FXYD1: variants seen among roughly 807,000 people sequenced by gnomAD.
FXYD1 encodes the protein FXYD domain containing ion transport regulator 1, also known as phospholemman.
FXYD1 carries 9 observed loss-of-function variants against 17.2 expected under a neutral mutation model. The observed-to-expected ratio is 0.52, with a 90% confidence interval of 0.32 to 0.91. The LOEUF (loss-of-function observed/expected upper bound fraction) is 0.91. Ranked by LOEUF, FXYD1 falls within the 40% of genes least tolerant of loss-of-function variation. The probability of loss-of-function intolerance (pLI) is 0.04; values close to 1 mark genes in which losing one functional copy is unlikely to be tolerated. For synonymous variants in FXYD1, 55 were observed against 45.8 expected (o/e 1.20, Z -0.81); for missense variants, 113 against 120.6 (o/e 0.94, Z 0.29).
chr19:35,142,396 C>A, intron 5 of FXYD1, 76 bp from the exon 6 acceptor site: 1 of 1,122,596 alleles, frequency 8.9e-7, no homozygotes, highest in Non-Finnish European at 1.3e-6. Context: ...GGAAAGGAGG[C>A]TTGTACTGGG....
At chr19:35,137,333 G>A (rs532899983), upstream of FXYD1, among the ~76,000 whole-genome samples, 1 of 152,316 alleles carries the variant, frequency 6.6e-6, no homozygotes, top group African/African-American at 2.4e-5. Flanking sequence ...GGAAAGTGTG[G>A]GGTTAAATAC....
chr19:35,137,956 C>T (rs1294586877), upstream of FXYD1: 1 of 152,210 alleles, frequency 6.6e-6, no homozygotes, highest in Non-Finnish European at 1.5e-5. Context: ...TCTTAGAATG[C>T]ATTTATGTGC....
rs774343035 is a variant in FXYD1, at chr19:35,140,641, G to A, written c.94+12G>A. ...CCCGTTCACTTACGGTGAGCGGGGG[G>A]TCTAATTTTGAGTCCTGGGGGAGAG... On this transcript the variant is annotated intron_variant, in intron 3 of 7. Coordinates refer to ENST00000351325, the MANE Select transcript of FXYD1 (RefSeq NM_021902.4). 10 of 1,612,514 alleles carry A rather than the reference G, an allele frequency of 6.2e-6. No homozygotes were observed. The South Asian group carries it at 6.6e-5, about 11-fold the overall frequency.
chr19:35,140,926 T>C (rs1264348404), intron 3 of FXYD1: 12 of 430,274 alleles, frequency 2.8e-5, no homozygotes, highest in Non-Finnish European at 1.3e-5. Context: ...TCCTCCTCCC[T>C]GTCCCCTCCC....
chr19:35,139,800 G>A, intron 1 of FXYD1: 1 of 388,284 alleles, frequency 2.6e-6, no homozygotes, highest in East Asian at 4.9e-5. Flanking sequence ...TGCTGCGGGA[G>A]GTGGAGGCCC....
At chr19:35,141,365 T>G in intron 4 of FXYD1, 159 bp downstream of exon 4, 1 of 189,046 alleles carries the variant, frequency 5.3e-6, no homozygotes, top group Non-Finnish European at 1.0e-5. Flanking sequence ...CCCCAACCCC[T>G]CCCAGGCCTT....
chr19:35,142,226 C>A (rs1439913044), intron 5 of FXYD1: 1 of 450,700 alleles, frequency 2.2e-6, no homozygotes, highest in African/African-American at 2.0e-5. Context: ...ATCCCTCCCC[C>A]ACCAACTTCA....
upstream of FXYD1, chr19:35,138,725 G>T (rs752121827): frequency 2.1e-5 from 3 of 144,078 alleles, no homozygotes; most frequent in African/African-American, 7.5e-5. Flanking sequence ...TCCAGCCCCA[G>T]CTCCAGTTTC....
In FXYD1 at chr19:35,142,506, C is replaced by G. The variant is rs2065266105; in HGVS notation, c.241C>G (p.Arg81Gly). ...GEPDEEEGTF[R>G]SSIRRLSTRR... ...ACCCGATGAAGAGGAGGGAACTTTC[C>G]GCAGCTCCATCCGCCGTGAGTCTGG... Residue 81 changes from arginine to glycine, a missense_variant, in exon 6 of 8, where the codon CGC (arginine) becomes GGC (glycine). Coordinates refer to ENST00000351325, the MANE Select transcript of FXYD1 (RefSeq NM_021902.4). 1.2e-6 allele frequency: 2 copies of G among 1,613,336 alleles called. No homozygotes were observed. Among genetic ancestry groups the G allele is most frequent in the Non-Finnish European group, 1.7e-6 (2 of 1,179,482 alleles).
intron 1 of FXYD1, 146 bp from the exon 2 acceptor site, chr19:35,139,930 C>T (rs1257362425): frequency 2.2e-5 from 15 of 666,816 alleles, no homozygotes; most frequent in African/African-American, 9.0e-5. Context: ...TGGGGATACC[C>T]GTTTCTCTAG....
In FXYD1 at chr19:35,141,222, TC is replaced by T; in HGVS notation, c.169+19del. ...ATCGTGCTGAGTGAGTGCCCCTAGC[TC>T]CCGCCCTCTACCCCGCCTCTCCCTG... On this transcript the variant is annotated intron_variant, in intron 4 of 7. Transcript: ENST00000351325. The T allele has an allele frequency of 6.6e-7, 1 of 1,510,932 alleles. No individual in the cohort carries two copies. Among genetic ancestry groups the T allele is most frequent in the Non-Finnish European group, 9.1e-7 (1 of 1,095,534 alleles). 93.6% of individuals were successfully genotyped at this position (1,510,932 alleles called of 1,614,324 possible).
In FXYD1 at chr19:35,142,985, C is replaced by G; in HGVS notation, c.*98C>G. On this transcript the variant is annotated 3_prime_UTR_variant, in exon 8 of 8. Coordinates refer to ENST00000351325, the MANE Select transcript of FXYD1 (RefSeq NM_021902.4). ...CCACCGCCCCCTCCGCCGCCCCTTC[C>G]CCAGCCCTGCCCCCGCAGACTCCCC... 1 of 583,758 alleles carries G rather than the reference C, an allele frequency of 1.7e-6. No individual in the cohort carries two copies. The highest frequency in any genetic ancestry group is 2.0e-5 in the South Asian group (1 of 49,544). 36.2% of individuals were successfully genotyped at this position (583,758 alleles called of 1,614,324 possible). A position where few individuals can be genotyped will look rare whatever the true frequency, so the allele number is the denominator to read the frequency against.
intron 7 of FXYD1, 58 bp from the exon 8 acceptor site, chr19:35,142,859 G>T: frequency 1.0e-6 from 1 of 983,582 alleles, no homozygotes; most frequent in Non-Finnish European, 1.6e-6. Flanking sequence ...GAGTTGAAGG[G>T]CGGCGAGGGG....
intron 4 of FXYD1, 26 bp from the exon 5 acceptor site, chr19:35,141,510 C>T: frequency 6.2e-7 from 1 of 1,602,028 alleles, no homozygotes; most frequent in Non-Finnish European, 8.5e-7. Flanking sequence ...GGAGCCTCAG[C>T]TTCTCCTACC....
intron 2 of FXYD1, 38 bp from the exon 3 acceptor site, chr19:35,140,559 C>T: frequency 6.2e-7 from 1 of 1,605,700 alleles, no homozygotes; most frequent in Non-Finnish European, 8.5e-7. Flanking sequence ...GCCAGGACCC[C>T]AGGAAGCATT....
At chr19:35,141,337 CTCCCTGGCCCCG>C in intron 4 of FXYD1, 131 bp downstream of exon 4, 1 of 625,576 alleles carries the variant, frequency 1.6e-6, no homozygotes, top group Non-Finnish European at 2.8e-6. Flanking sequence ...GGTCCCGCCC[CTCCCTGGCCCCG>C]CCCCGCCCCA....
chr19:35,142,654 GC>G, intron 6 of FXYD1, 65 bp from the exon 7 acceptor site: 1 of 1,564,052 alleles, frequency 6.4e-7, no homozygotes, highest in African/African-American at 1.4e-5. Context: ...CCCGCCGCGG[GC>G]CCCACCTGCC....
At chr19:35,141,031 C>A in intron 3 of FXYD1, 101 bp from the exon 4 acceptor site, 2 of 746,466 alleles carry the variant, frequency 2.7e-6, no homozygotes, top group Non-Finnish European at 4.8e-6. Flanking sequence ...CCCCTTCTGC[C>A]TGCTGGTCCT....
In FXYD1 at chr19:35,141,214, C is replaced by G. The variant is rs1600485761; in HGVS notation, c.169+8C>G. The stretch of plus-strand genomic sequence containing the variant: ...GCATCCTCATCGTGCTGAGTGAGTG[C>G]CCCTAGCTCCCGCCCTCTACCCCGC... On this transcript the variant is annotated splice_region_variant and intron_variant, in intron 4 of 7. Coordinates refer to ENST00000351325, the MANE Select transcript of FXYD1 (RefSeq NM_021902.4). 6.4e-7 allele frequency: 1 copy of G among 1,566,836 alleles called. No homozygotes were observed. Among genetic ancestry groups the G allele is most frequent in the South Asian group, 1.1e-5 (1 of 90,048 alleles).
Sources: allele counts gnomAD v4.1 joint callset (sites outside exome capture counted in the v4.1 genomes callset), GRCh38; gene constraint gnomAD v4.1.1; transcripts MANE v1.5; gene names NCBI Gene and HGNC (gene_info 2026-07-23, HGNC 2026-07-21).